Variants in UBTD2 observed in about 807,000 individuals in gnomAD.
UBTD2 encodes the protein ubiquitin domain-containing protein 2.
Under a neutral mutation model 19.8 loss-of-function variants are expected in UBTD2, and 9 were observed. That is an observed-to-expected ratio of 0.46 (90% CI 0.27 to 0.79). The LOEUF (loss-of-function observed/expected upper bound fraction) is 0.79. UBTD2 is among the 30% of genes least tolerant of loss of function. UBTD2 has a pLI of 0.14. For missense variants in UBTD2, 250 were observed against 300.4 expected (o/e 0.83, Z 1.24); for synonymous variants, 98 against 103.9 (o/e 0.94, Z 0.35).
At chr5:172,241,523 A>G (rs987869008) in intron 1 of UBTD2, among the ~76,000 whole-genome samples, 1 of 152,096 alleles carries the variant, frequency 6.6e-6, no homozygotes, top group Non-Finnish European at 1.5e-5. Flanking sequence ...TTTAAGGACC[A>G]GAAATAAAAC....
chr5:172,223,908 G>C (rs563759788), intron 2 of UBTD2, among the ~76,000 whole-genome samples: 4 of 152,206 alleles, frequency 2.6e-5, no homozygotes, highest in Admixed American at 1.3e-4. Context: ...AAAAAGTTGA[G>C]AAATGAATCA....
At chr5:172,268,727 C>T (rs1286424006) in intron 1 of UBTD2, among the ~76,000 whole-genome samples, 1 of 152,012 alleles carries the variant, frequency 6.6e-6, no homozygotes, top group African/African-American at 2.4e-5. Flanking sequence ...CCAGCCTGGG[C>T]AACAAAGTGA....
At chr5:172,217,405 C>T (rs11959293) in intron 2 of UBTD2, among the ~76,000 whole-genome samples, 48,371 of 138,074 alleles carry the variant, frequency 0.35, 8,204 homozygotes, top group South Asian at 0.44. Flanking sequence ...GGCGAAAGTG[C>T]GAGACTCTGT....
At chr5:172,279,922 T>C (rs1755675228) in intron 1 of UBTD2, among the ~76,000 whole-genome samples, 1 of 151,954 alleles carries the variant, frequency 6.6e-6, no homozygotes, top group African/African-American at 2.4e-5. Context: ...ACCAACACGG[T>C]GAAACCCCAT....
intron 2 of UBTD2, among the ~76,000 whole-genome samples, chr5:172,223,586 CAAAAAAAAAAAAAAAAA>C (rs577474758): frequency 0.028 from 928 of 33,138 alleles, 16 homozygotes; most frequent in Middle Eastern, 0.059. Context: ...GCGACGGAGT[CAAAAAAAAAAAAAAAAA>C]AAAAAAAAAA....
At chr5:172,281,651 A>G (rs1755719488) in intron 1 of UBTD2, among the ~76,000 whole-genome samples, 1 of 152,032 alleles carries the variant, frequency 6.6e-6, no homozygotes. Flanking sequence ...TTATATGTTA[A>G]CCTGCAACAC....
intron 1 of UBTD2, chr5:172,254,497 G>T: frequency 1.8e-6 from 1 of 548,384 alleles, no homozygotes; most frequent in Non-Finnish European, 3.3e-6. Context: ...TGTCTTTTTA[G>T]TTCATCAGAC....
At chr5:172,256,530 CTTTTT>C (rs11324235) in intron 1 of UBTD2, among the ~76,000 whole-genome samples, 1 of 142,442 alleles carries the variant, frequency 7.0e-6, no homozygotes, top group Admixed American at 7.0e-5. Flanking sequence ...CCATGCCCAG[CTTTTT>C]TTTTTTTTTT....
At chr5:172,233,795 T>A (rs1285637632) in intron 2 of UBTD2, among the ~76,000 whole-genome samples, 1 of 25,494 alleles carries the variant, frequency 3.9e-5, no homozygotes, top group Non-Finnish European at 7.4e-5. Flanking sequence ...GGCAGGGTGA[T>A]GAGGCTGGTG....
intron 1 of UBTD2, among the ~76,000 whole-genome samples, chr5:172,253,610 C>T (rs965338690): frequency 3.3e-5 from 5 of 151,936 alleles, no homozygotes; most frequent in East Asian, 1.9e-4. Flanking sequence ...CGCGCCACCA[C>T]GCCCAGCTAA....
chr5:172,228,722 A>G (rs1771828923), intron 2 of UBTD2, among the ~76,000 whole-genome samples: 1 of 148,292 alleles, frequency 6.7e-6, no homozygotes, highest in East Asian at 2.0e-4. Flanking sequence ...CTCCGTCTCC[A>G]AAAAAAAAAC....
intron 1 of UBTD2, among the ~76,000 whole-genome samples, chr5:172,241,840 G>A (rs980919807): frequency 1.3e-5 from 2 of 152,118 alleles, no homozygotes; most frequent in Non-Finnish European, 1.5e-5. Context: ...CCAACACGGC[G>A]AAACCTCATC....
chr5:172,217,722 G>C (rs1214352563), intron 2 of UBTD2, among the ~76,000 whole-genome samples: 1 of 152,024 alleles, frequency 6.6e-6, no homozygotes, highest in African/African-American at 2.4e-5. Flanking sequence ...CAAACTCCTG[G>C]GGGCAAATGA....
intron 1 of UBTD2, chr5:172,252,628 C>T (rs1318291641): frequency 6.6e-6 from 1 of 152,176 alleles, no homozygotes; most frequent in African/African-American, 2.4e-5. Context: ...AGGACTCTTT[C>T]TTCAAGGTGG....
chr5:172,224,298 CTTT>C (rs35105814), intron 2 of UBTD2, among the ~76,000 whole-genome samples: 142 of 121,636 alleles, frequency 1.2e-3, no homozygotes, highest in African/African-American at 3.5e-3. Context: ...TTTTTCATTT[CTTT>C]TTTTTTTTTT....
At chr5:172,268,165 T>G (rs1188969751) in intron 1 of UBTD2, among the ~76,000 whole-genome samples, 1 of 152,168 alleles carries the variant, frequency 6.6e-6, no homozygotes, top group East Asian at 1.9e-4. Flanking sequence ...ATAGCCATGA[T>G]AGAAGTTTTT....
At chr5:172,243,554 CTTT>C (rs58327908) in intron 1 of UBTD2, among the ~76,000 whole-genome samples, 1,086 of 101,080 alleles carry the variant, frequency 0.011, 15 homozygotes, top group Middle Eastern at 0.058. Flanking sequence ...TGTGAGAAAC[CTTT>C]TTTTTTTTTT....
At chr5:172,259,964 A>T (rs1317468757) in intron 1 of UBTD2, among the ~76,000 whole-genome samples, 1 of 152,038 alleles carries the variant, frequency 6.6e-6, no homozygotes, top group Non-Finnish European at 1.5e-5. Flanking sequence ...GAGGCAGGAG[A>T]ATCGCTTGAA....
chr5:172,214,496 C>A (rs12520760), intron 2 of UBTD2, among the ~76,000 whole-genome samples: 31,095 of 152,124 alleles, frequency 0.2, 4,031 homozygotes, highest in East Asian at 0.37. Context: ...ACTAGCAGTC[C>A]CTATACCAGT....
Sources: gnomAD v4.1 joint callset for allele counts (sites outside exome capture counted in the v4.1 genomes callset) on GRCh38, gnomAD v4.1.1 for gene constraint, MANE v1.5 for transcripts, NCBI Gene and HGNC (gene_info 2026-07-23, HGNC 2026-07-21) for gene names.